ABI2: variants seen among roughly 807,000 people sequenced by gnomAD.
ABI2 encodes the protein abelson interactor 2.
ABI2 carries 25 observed loss-of-function variants against 59.2 expected under a neutral mutation model. The ratio of observed to expected loss-of-function variants is 0.42; its 90% CI spans 0.31 to 0.59. The LOEUF (loss-of-function observed/expected upper bound fraction) is 0.59. ABI2 is among the 20% of genes least tolerant of loss of function. The pLI is 0.14. For missense variants in ABI2, 545 were observed against 681.8 expected, an observed-to-expected ratio of 0.80 and a Z score of 2.23; for synonymous variants, 213 against 235.5, an observed-to-expected ratio of 0.90 and a Z score of 0.87.
At chr2:203,360,709 G>C (rs1293703940) in intron 1 of ABI2, among the ~76,000 whole-genome samples, 1 of 152,152 alleles carries the variant, frequency 6.6e-6, no homozygotes, top group African/African-American at 2.4e-5. Context: ...AACAACAGAT[G>C]ATGAGTGAGA....
At chr2:203,379,007 C>T (rs912761863) in intron 2 of ABI2, among the ~76,000 whole-genome samples, 7 of 152,164 alleles carry the variant, frequency 4.6e-5, no homozygotes, top group Non-Finnish European at 7.3e-5. Flanking sequence ...TGCTTACATA[C>T]CACTAAATTG....
intron 1 of ABI2, among the ~76,000 whole-genome samples, chr2:203,360,616 C>T (rs2093353840): frequency 6.6e-6 from 1 of 152,084 alleles, no homozygotes; most frequent in East Asian, 1.9e-4. Flanking sequence ...ATTTAGATAC[C>T]AGGAATGACC....
chr2:203,415,616 CAAA>C (rs71007515), intron 10 of ABI2, among the ~76,000 whole-genome samples: 1 of 42,340 alleles, frequency 2.4e-5, no homozygotes, highest in African/African-American at 6.2e-5. Context: ...GACTCCGTCT[CAAA>C]AAAAAAAAAA....
rs141893637 is a variant in ABI2 at position 203,381,384 on chromosome 2, T to C, written c.463-805T>C. Among the ~76,000 whole-genome samples the C allele has an allele frequency of 2.4e-3, 373 of 152,288 alleles. 1 individual carries two copies. The highest frequency in any genetic ancestry group is 8.3e-3 in the African/African-American group (345 of 41,566). On this transcript the variant is annotated intron_variant, in intron 3 of 11. Coordinates refer to ENST00000261018, the MANE Select transcript of ABI2 (RefSeq NM_001375670.1). ...CTTGTACTCCTGGGCTCAGGTGATC[T>C]TCCCTTGTCAGCTTCCCTGGGACTA...
chr2:203,361,977 A>AT (rs1270804622), intron 1 of ABI2, among the ~76,000 whole-genome samples: 1 of 152,166 alleles, frequency 6.6e-6, no homozygotes, highest in African/African-American at 2.4e-5. Context: ...GCTAAAAATA[A>AT]TTTTTTGTTA....
At chr2:203,385,592 T>C (rs2096469929) in intron 4 of ABI2, among the ~76,000 whole-genome samples, 1 of 152,232 alleles carries the variant, frequency 6.6e-6, no homozygotes, top group Admixed American at 6.5e-5. Flanking sequence ...TAGCAAGTAT[T>C]TGTCATTCCT....
At chr2:203,336,319 A>C (rs7590439) in intron 1 of ABI2, among the ~76,000 whole-genome samples, 148,022 of 152,308 alleles carry the variant, frequency 0.97, 71,936 homozygotes, top group Middle Eastern at 0.99. Flanking sequence ...TTTAAGGGAA[A>C]AGATCAACTG....
chr2:203,384,006 C>T (rs1292644464), intron 4 of ABI2, among the ~76,000 whole-genome samples: 2 of 152,052 alleles, frequency 1.3e-5, no homozygotes, highest in African/African-American at 4.8e-5. Context: ...CAGAAGAGAC[C>T]TCCTTGTTTA....
At chr2:203,361,808 T>TA (rs1409673544) in intron 1 of ABI2, among the ~76,000 whole-genome samples, 1 of 152,188 alleles carries the variant, frequency 6.6e-6, no homozygotes, top group African/African-American at 2.4e-5. Flanking sequence ...TCCTGTGTCT[T>TA]ATAGTGTCAT....
At chr2:203,373,335 C>T (rs1004053595) in intron 2 of ABI2, among the ~76,000 whole-genome samples, 12 of 152,286 alleles carry the variant, frequency 7.9e-5, no homozygotes, top group Middle Eastern at 3.4e-3. Flanking sequence ...TGGCGGCGCG[C>T]GCCTGTAATC....
chr2:203,406,050 TCTTA>T lies in ABI2; in HGVS notation c.1192+3317_1192+3320del, dbSNP rs2097412947. 2.6e-5 allele frequency among the ~76,000 whole-genome samples: 4 copies of T among 152,334 alleles called. No homozygotes were observed. In the South Asian group the frequency reaches 8.3e-4, roughly 32 times the overall value. ...TGAAATCCCTTTGGTTCTCATTATT[TCTTA>T]ATCTAATCCAGCCAATGAAATAGGA... On this transcript the variant is annotated intron_variant, in intron 9 of 11. Coordinates refer to ENST00000261018, the MANE Select transcript of ABI2 (RefSeq NM_001375670.1).
At position 203,338,958 on chromosome 2, in the gene ABI2, A is replaced by G. The variant is rs1394941871; in HGVS notation, c.117+10327A>G. ...TGTATATATATATATATATATATATATATAAATATATATATATATATATAA... is the reference window on the plus strand; with the variant it reads ...TGTATATATATATATATATATATATGTATAAATATATATATATATATATAA... On this transcript the variant is annotated intron_variant, in intron 1 of 11. Transcript: ENST00000261018. Among the ~76,000 whole-genome samples the G allele has an allele frequency of 2.9e-3, 17 of 5,946 alleles. 1 individual carries two copies. Among genetic ancestry groups the G allele is most frequent in the Admixed American group, 9.5e-3 (4 of 420 alleles). The allele number at this position is 5,946 out of a possible 152,430, so 3.9% of individuals were successfully genotyped here. A position where few individuals can be genotyped will look rare whatever the true frequency, so the allele number is the denominator to read the frequency against.
At chr2:203,369,959 AAGTC>A (rs2094956594) in intron 2 of ABI2, among the ~76,000 whole-genome samples, 2 of 152,164 alleles carry the variant, frequency 1.3e-5, no homozygotes, top group African/African-American at 4.8e-5. Context: ...TTTATTTAAA[AAGTC>A]AGTTGAATAT....
At chr2:203,423,532 T>C (rs2098308018) in intron 11 of ABI2, among the ~76,000 whole-genome samples, 1 of 152,182 alleles carries the variant, frequency 6.6e-6, no homozygotes, top group South Asian at 2.1e-4. Context: ...TTCACGCCAT[T>C]CTCCTGCCTC....
chr2:203,424,635 G>C (rs373064167), intron 11 of ABI2, among the ~76,000 whole-genome samples: 8 of 152,086 alleles, frequency 5.3e-5, no homozygotes, highest in Middle Eastern at 3.2e-3. Flanking sequence ...ATGGCCTCAA[G>C]TGATTCTCCT....
chr2:203,401,150 G>C (rs6712824), intron 8 of ABI2, among the ~76,000 whole-genome samples: 2 of 151,874 alleles, frequency 1.3e-5, no homozygotes, highest in African/African-American at 2.4e-5. Flanking sequence ...AAATGTTTCA[G>C]TGGATTCTTT....
chr2:203,397,373 G>A (rs1228612249), intron 8 of ABI2, among the ~76,000 whole-genome samples: 1 of 152,136 alleles, frequency 6.6e-6, no homozygotes, highest in Admixed American at 6.6e-5. Flanking sequence ...CAAATGGAAA[G>A]CCTCTGTAAG....
chr2:203,343,355 A>G (rs538968867), intron 1 of ABI2, among the ~76,000 whole-genome samples: 10 of 152,322 alleles, frequency 6.6e-5, no homozygotes, highest in South Asian at 2.1e-4. Context: ...CAGCGAGACT[A>G]TGTCTCAAAA....
At chr2:203,339,911 G>A (rs961271843) in intron 1 of ABI2, among the ~76,000 whole-genome samples, 4 of 152,152 alleles carry the variant, frequency 2.6e-5, no homozygotes, top group African/African-American at 4.8e-5. Context: ...CTTGTGGAAC[G>A]CGTGTATATG....
Sources: gnomAD v4.1 joint callset for allele counts (sites outside exome capture counted in the v4.1 genomes callset) on GRCh38, gnomAD v4.1.1 for gene constraint, MANE v1.5 for transcripts, NCBI Gene and HGNC (gene_info 2026-07-23, HGNC 2026-07-21) for gene names.